The following SNX29 variants were observed in gnomAD, a reference collection of about 807,000 sequenced individuals.
SNX29 encodes the protein sorting nexin-29.
SNX29 carries 78 observed loss-of-function variants against 102.1 expected under a neutral mutation model. That is an observed-to-expected ratio of 0.76 (90% CI 0.64 to 0.92). The LOEUF is 0.92. SNX29 is among the 40% of genes least tolerant of loss of function. SNX29 has a pLI of 0.00. For synonymous variants in SNX29, 580 were observed against 414.5 expected (o/e 1.40, Z -4.85); for missense variants, 1,280 against 1,061.7 (o/e 1.21, Z -2.86).
chr16:12,307,399 A>G (rs1368855237), intron 15 of SNX29, among the ~76,000 whole-genome samples: 1 of 152,214 alleles, frequency 6.6e-6, no homozygotes, highest in African/African-American at 2.4e-5. Context: ...AATTCCTGTC[A>G]TTAAATGAGG....
At chr16:12,465,089 A>G (rs1043339542) in intron 18 of SNX29, among the ~76,000 whole-genome samples, 1 of 152,180 alleles carries the variant, frequency 6.6e-6, no homozygotes, top group African/African-American at 2.4e-5. Flanking sequence ...TTTTAAAATC[A>G]GATTATTTGG....
chr16:12,346,003 C>G lies in SNX29; in HGVS notation c.1783-10160C>G, dbSNP rs140889490. On this transcript the variant is annotated intron_variant, in intron 15 of 20. Transcript: ENST00000566228. ...CCAACCCAAGCCAGTCCCACTCCCC[C>G]CTCCCCACCGCCATTCCTAGTATTA... Among the ~76,000 whole-genome samples, 62 of 152,312 alleles carry G rather than the reference C, an allele frequency of 4.1e-4. 1 individual carries two copies. In the East Asian group the frequency reaches 6.9e-3, roughly 17 times the overall value.
intron 2 of SNX29, among the ~76,000 whole-genome samples, chr16:12,001,644 C>T (rs1484678495): frequency 6.6e-6 from 1 of 152,104 alleles, no homozygotes; most frequent in African/African-American, 2.4e-5. Flanking sequence ...TACACACACA[C>T]ACATTGTAGT....
At chr16:12,179,719 T>C (rs1335943732) in intron 13 of SNX29, among the ~76,000 whole-genome samples, 1 of 152,268 alleles carries the variant, frequency 6.6e-6, no homozygotes, top group Non-Finnish European at 1.5e-5. Context: ...GGACTGTTGA[T>C]GGTTACAGTA....
intron 7 of SNX29, among the ~76,000 whole-genome samples, chr16:12,050,954 C>T (rs1464623214): frequency 6.6e-6 from 1 of 152,052 alleles, no homozygotes. Flanking sequence ...CTCCTGACCT[C>T]AGGTGATCCA....
chr16:12,490,693 G>A (rs969655188), intron 19 of SNX29, among the ~76,000 whole-genome samples: 4 of 152,176 alleles, frequency 2.6e-5, no homozygotes, highest in African/African-American at 9.7e-5. Context: ...CAAAGAATAG[G>A]ATACCAGGCA....
At chr16:12,290,398 C>A (rs146146896) in intron 15 of SNX29, among the ~76,000 whole-genome samples, 110 of 152,222 alleles carry the variant, frequency 7.2e-4, no homozygotes, top group Middle Eastern at 3.4e-3. Flanking sequence ...CAGATCTCAT[C>A]CTGGAAGCCT....
rs529945665 is a variant in SNX29 at position 12,396,931 on chromosome 16, G to A, written c.1900-1515G>A. Among the ~76,000 whole-genome samples, 208 of 152,278 alleles carry A rather than the reference G, an allele frequency of 1.4e-3. No individual in the cohort carries two copies. In the Middle Eastern group the frequency reaches 0.024, roughly 17 times the overall value. ...TAACTTTCTTTATTTTTTTGAAACAGGGTCATGCTCTGTCACCCAGGTTAG... is the reference window on the plus strand; with the variant it reads ...TAACTTTCTTTATTTTTTTGAAACAAGGTCATGCTCTGTCACCCAGGTTAG... On this transcript the variant is annotated intron_variant, in intron 16 of 20. Transcript: ENST00000566228.
At chr16:12,561,798 A>AG (rs2078740101) in intron 20 of SNX29, among the ~76,000 whole-genome samples, 1 of 152,128 alleles carries the variant, frequency 6.6e-6, no homozygotes, top group African/African-American at 2.4e-5. Context: ...GTGGCCTGGC[A>AG]GGGGGCTCAT....
intron 10 of SNX29, among the ~76,000 whole-genome samples, chr16:12,076,202 C>T (rs1248208000): frequency 6.6e-6 from 1 of 152,184 alleles, no homozygotes; most frequent in Non-Finnish European, 1.5e-5. Flanking sequence ...GAGATGAACC[C>T]AGTGCCTCAG....
intron 18 of SNX29, among the ~76,000 whole-genome samples, chr16:12,461,019 G>A (rs773176999): frequency 6.6e-6 from 1 of 152,204 alleles, no homozygotes; most frequent in Non-Finnish European, 1.5e-5. Context: ...TAAATGTTAA[G>A]CAAAGTAGTT....
chr16:12,349,708 A>G (rs763890160), intron 15 of SNX29, among the ~76,000 whole-genome samples: 1 of 152,242 alleles, frequency 6.6e-6, no homozygotes, highest in Non-Finnish European at 1.5e-5. Context: ...AGGCGTTGAT[A>G]GCATTGGTTT....
At chr16:12,317,859 T>A (rs966463964) in intron 15 of SNX29, among the ~76,000 whole-genome samples, 1 of 151,064 alleles carries the variant, frequency 6.6e-6, no homozygotes, top group Non-Finnish European at 1.5e-5. Context: ...GGGTGGGGGG[T>A]CGAAATGAGA....
chr16:12,547,930 C>G (rs764937464), intron 20 of SNX29, among the ~76,000 whole-genome samples: 1 of 152,162 alleles, frequency 6.6e-6, no homozygotes, highest in African/African-American at 2.4e-5. Flanking sequence ...AGGGATACCT[C>G]AATTCCCAGT....
intron 18 of SNX29, among the ~76,000 whole-genome samples, chr16:12,459,744 G>T (rs1409635374): frequency 6.6e-6 from 1 of 152,146 alleles, no homozygotes; most frequent in East Asian, 1.9e-4. Context: ...CTTGGACTTG[G>T]GTGGCTTTCT....
chr16:12,546,834 G>A (rs1172949491), intron 20 of SNX29: 1 of 152,150 alleles, frequency 6.6e-6, no homozygotes, highest in African/African-American at 2.4e-5. Context: ...TGAAAATAAA[G>A]GGATTAAGAT....
At chr16:12,285,298 G>A (rs1365227186) in intron 15 of SNX29, among the ~76,000 whole-genome samples, 3 of 152,150 alleles carry the variant, frequency 2.0e-5, no homozygotes, top group Admixed American at 2.0e-4. Context: ...CCCCACTTGT[G>A]TATCTTCTGC....
intron 13 of SNX29, among the ~76,000 whole-genome samples, chr16:12,192,862 C>T (rs1359315729): frequency 6.6e-6 from 1 of 152,124 alleles, no homozygotes; most frequent in East Asian, 1.9e-4. Flanking sequence ...CTACCATGCC[C>T]AGATAATTTT....
At chr16:12,342,443 G>C (rs2081637125) in intron 15 of SNX29, among the ~76,000 whole-genome samples, 1 of 152,204 alleles carries the variant, frequency 6.6e-6, no homozygotes, top group African/African-American at 2.4e-5. Context: ...ATGGGACACA[G>C]CCAGTGAAGT....
Sources: allele counts gnomAD v4.1 joint callset (sites outside exome capture counted in the v4.1 genomes callset), GRCh38; gene constraint gnomAD v4.1.1; transcripts MANE v1.5; gene names NCBI Gene and HGNC (gene_info 2026-07-23, HGNC 2026-07-21).